GANAB: variants seen among roughly 807,000 people sequenced by gnomAD.
The protein encoded by GANAB is glucosidase II alpha subunit.
In GANAB, 35 loss-of-function variants were observed where a neutral mutation model predicts 129.9. The observed-to-expected ratio is 0.27, with a 90% confidence interval of 0.21 to 0.36. GANAB has a LOEUF of 0.36. GANAB is among the 10% of genes least tolerant of loss of function. The probability of loss-of-function intolerance (pLI) is 1.00; values close to 1 mark genes in which losing one functional copy is unlikely to be tolerated. For missense variants in GANAB, 939 were observed against 1,221.0 expected (o/e 0.77, Z 3.44); for synonymous variants, 482 against 451.8 (o/e 1.07, Z -0.85).
At chr11:62,630,939 A>G in intron 10 of GANAB, 91 bp downstream of exon 10, 2 of 1,509,030 alleles carry the variant, frequency 1.3e-6, no homozygotes, top group Non-Finnish European at 1.8e-6. Context: ...GTATAAACCT[A>G]GAAAACAAGC....
intron 8 of GANAB, 25 bp from the exon 9 acceptor site, chr11:62,632,770 G>A (rs1943749273): frequency 6.3e-7 from 1 of 1,595,722 alleles, no homozygotes; most frequent in Non-Finnish European, 8.6e-7. Flanking sequence ...ACAGACTTGG[G>A]CTGCTAACTG....
rs1943363515 is a variant in GANAB, at chr11:62,626,158, C to G, written c.2632G>C (p.Asp878His). ...SGNTLVSSSA[D>H]PEGHFETPIW... is the part of the protein sequence containing the mutation. ...GGTGTCTCAAAGTGTCCTTCAGGGT[C>G]TGCTGAGCTGGAGATGGTAAAAGCA... is the stretch of plus-strand genomic sequence containing the variant. The change falls in exon 23 of 24, where the codon GAC (aspartate) becomes CAC (histidine). Residue 878 changes from aspartate to histidine, a missense_variant. Around this residue, in one of 5 missense-constraint regions of GANAB, gnomAD observed 230 missense variants for 259.9 expected, o/e 0.89. Coordinates refer to ENST00000356638, the MANE Select transcript of GANAB (RefSeq NM_198334.3). 6.2e-7 allele frequency: 1 copy of G among 1,609,980 alleles called. No homozygotes were observed. The highest frequency in any genetic ancestry group is 1.3e-5 in the African/African-American group (1 of 74,806).
chr11:62,629,747 T>A, intron 14 of GANAB, 63 bp from the exon 15 acceptor site: 1 of 1,606,084 alleles, frequency 6.2e-7, no homozygotes, highest in Non-Finnish European at 8.5e-7. Context: ...TGGTGCAAGT[T>A]CCCTAGGCCC....
At position 62,646,509 on chromosome 11, in the gene GANAB, C is replaced by T; in HGVS notation, c.38+53G>A. 1.0e-5 allele frequency: 16 copies of T among 1,595,194 alleles called. No individual in the cohort carries two copies. In the South Asian group the frequency reaches 1.7e-4, roughly 16 times the overall value. On this transcript the variant is annotated intron_variant, in intron 1 of 23. Coordinates refer to ENST00000356638, the MANE Select transcript of GANAB (RefSeq NM_198334.3). ...ACACACAGGAAGGAGTGGAATGGGA[C>T]TTGGGGGATCTGGGGGCGTCCCGGG...
At chr11:62,628,048 A>G (rs1438821380) in intron 17 of GANAB, among the ~76,000 whole-genome samples, 1 of 151,994 alleles carries the variant, frequency 6.6e-6, no homozygotes, top group African/African-American at 2.4e-5. Flanking sequence ...TTCTTTACCC[A>G]AGACATACTG....
intron 1 of GANAB, 186 bp from the exon 2 acceptor site, chr11:62,639,917 T>C (rs1590820994): frequency 8.7e-6 from 5 of 574,464 alleles, no homozygotes; most frequent in South Asian, 2.1e-5. Flanking sequence ...GCCTGAGAAG[T>C]TGGCTCACTC....
intron 1 of GANAB, among the ~76,000 whole-genome samples, chr11:62,644,785 T>G (rs1010879108): frequency 6.6e-6 from 1 of 152,130 alleles, no homozygotes; most frequent in East Asian, 1.9e-4. Context: ...ATTGCACCCC[T>G]GCACTCCATC....
At chr11:62,633,347 T>C in intron 6 of GANAB, 76 bp from the exon 7 acceptor site, 1 of 1,539,814 alleles carries the variant, frequency 6.5e-7, no homozygotes, top group Non-Finnish European at 9.0e-7. Flanking sequence ...CTAAATCCCA[T>C]CCCTGATGGG....
At position 62,625,104 on chromosome 11, in the gene GANAB, C is replaced by T; in HGVS notation, c.*711G>A. On this transcript the variant is annotated 3_prime_UTR_variant, in exon 24 of 24. Transcript: ENST00000356638. ...CCCCTCAAAGGGGACAAGAAGGGGG[C>T]AAAAGAAGTTTAATGCGCATCCCCT... is the stretch of plus-strand genomic sequence containing the variant. 2.5e-6 allele frequency: 1 copy of T among 402,364 alleles called. No individual in the cohort carries two copies. Among genetic ancestry groups the T allele is most frequent in the Admixed American group, 2.9e-5 (1 of 34,430 alleles). The allele number at this position is 402,364 out of a possible 1,614,324, so 24.9% of individuals were successfully genotyped here. A position where few individuals can be genotyped will look rare whatever the true frequency, so the allele number is the denominator to read the frequency against.
At chr11:62,639,945 G>A (rs1944150462) in intron 1 of GANAB, 1 of 538,580 alleles carries the variant, frequency 1.9e-6, no homozygotes. Context: ...CCCTTTGAAA[G>A]GCAGAGTAGG....
chr11:62,640,570 A>G (rs1245855535), intron 1 of GANAB, among the ~76,000 whole-genome samples: 1 of 145,366 alleles, frequency 6.9e-6, no homozygotes, highest in Non-Finnish European at 1.5e-5. Flanking sequence ...GCGGTGGCTC[A>G]TGCCTGTAAT....
In GANAB at chr11:62,630,183, G is replaced by C; in HGVS notation, c.1593+14C>G. ...AACAGACAGACGCAGGTCATGGGGA[G>C]AGGCCTTCCCTACCTCATAATTGTC... is the stretch of plus-strand genomic sequence containing the variant. On this transcript the variant is annotated intron_variant, in intron 13 of 23. Coordinates refer to ENST00000356638, the MANE Select transcript of GANAB (RefSeq NM_198334.3). 3.1e-6 allele frequency: 5 copies of C among 1,588,344 alleles called. No individual in the cohort carries two copies. The highest frequency in any genetic ancestry group is 4.3e-6 in the Non-Finnish European group (5 of 1,157,996).
chr11:62,643,785 T>C lies in GANAB; in HGVS notation c.38+2777A>G, dbSNP rs980393781. On this transcript the variant is annotated intron_variant, in intron 1 of 23. Transcript: ENST00000356638. ...GAGCTGAGATCGCACCACTGCACTCTAGCCTGGGTGACAAAGTGTGACTCT... is the reference window on the plus strand; with the variant it reads ...GAGCTGAGATCGCACCACTGCACTCCAGCCTGGGTGACAAAGTGTGACTCT... 2.0e-5 allele frequency among the ~76,000 whole-genome samples: 3 copies of C among 152,100 alleles called. No homozygotes were observed. The East Asian group carries it at 5.8e-4, about 30-fold the overall frequency.
Position 62,630,622 on chromosome 11 carries a change from G to A in GANAB, c.1365C>T (p.Arg455=). 1 of 1,612,330 alleles carries A rather than the reference G, an allele frequency of 6.2e-7. No individual in the cohort carries two copies. Among genetic ancestry groups the A allele is most frequent in the Non-Finnish European group, 8.5e-7 (1 of 1,178,472 alleles). ...TTACCTTCCGCCTCTTAGAAGCCAA[G>A]CGCTCAAGCATGGTGCGGGGCTGAG... is the stretch of plus-strand genomic sequence containing the variant. The part of the protein sequence containing the change: ...RFPQPRTMLE[R]LASKRRKLVA... Residue 455 remains arginine, a synonymous_variant, in exon 11 of 24, where the codon CGC becomes CGT. Coordinates refer to ENST00000356638, the MANE Select transcript of GANAB (RefSeq NM_198334.3).
intron 1 of GANAB, among the ~76,000 whole-genome samples, chr11:62,644,639 G>A (rs528051994): frequency 6.6e-6 from 1 of 151,990 alleles, no homozygotes; most frequent in Admixed American, 6.6e-5. Context: ...AATTAATTAA[G>A]ACTGGTCAAT....
intron 9 of GANAB, 46 bp downstream of exon 9, chr11:62,632,519 C>T: frequency 6.7e-7 from 1 of 1,490,246 alleles, no homozygotes; most frequent in Non-Finnish European, 9.3e-7. Flanking sequence ...TGCCTCAAGG[C>T]CTGGAAGCTT....
At chr11:62,633,571 G>C in intron 5 of GANAB, 57 bp from the exon 6 acceptor site, 2 of 1,445,860 alleles carry the variant, frequency 1.4e-6, no homozygotes, top group Non-Finnish European at 1.9e-6. Context: ...CGAGGGGCTA[G>C]TGGAAGGAGG....
chr11:62,627,264 A>G (rs746612506), intron 18 of GANAB, 25 bp downstream of exon 18: 1 of 1,509,084 alleles, frequency 6.6e-7, no homozygotes, highest in East Asian at 2.3e-5. Flanking sequence ...AAGCCAACCC[A>G]CCACCAACTA....
rs973027721 is a variant in GANAB at position 62,641,437 on chromosome 11, T to A, written c.39-1706A>T. On this transcript the variant is annotated intron_variant, in intron 1 of 23. Transcript: ENST00000356638. ...TAGCACCCTAGGCAGCCTGTTTCTC[T>A]GATTTCTACTCCTGTATCTTCAAAA... 5.3e-5 allele frequency among the ~76,000 whole-genome samples: 8 copies of A among 151,866 alleles called. No homozygotes were observed. In the East Asian group the frequency reaches 1.4e-3, roughly 26 times the overall value.
Sources: allele counts gnomAD v4.1 joint callset (sites outside exome capture counted in the v4.1 genomes callset), GRCh38; gene constraint gnomAD v4.1.1; regional missense constraint gnomAD v4.1.1; transcripts MANE v1.5; gene names NCBI Gene and HGNC (gene_info 2026-07-23, HGNC 2026-07-21).